SPEF2: variants seen among roughly 807,000 people sequenced by gnomAD.
SPEF2 encodes sperm flagellar and cilia associated 2.
In SPEF2, 187 loss-of-function variants were observed where a neutral mutation model predicts 224.6. That is an observed-to-expected ratio of 0.83 (90% CI 0.74 to 0.94). SPEF2 has a LOEUF of 0.94. SPEF2 is among the 40% of genes least tolerant of loss of function. SPEF2 has a pLI of 0.00. For missense variants in SPEF2, 2,170 were observed against 2,135.6 expected, an observed-to-expected ratio of 1.02 and a Z score of -0.32; for synonymous variants, 715 against 707.3, an observed-to-expected ratio of 1.01 and a Z score of -0.17.
intron 21 of SPEF2, among the ~76,000 whole-genome samples, chr5:35,738,196 C>G (rs1381419679): frequency 3.3e-5 from 5 of 152,050 alleles, no homozygotes; most frequent in Non-Finnish European, 2.9e-5. Context: ...TTCTTTTGCT[C>G]TGCCGAAGCT....
chr5:35,704,579 T>C lies in SPEF2; in HGVS notation c.2424T>C (p.Ala808=). 1 of 1,612,278 alleles carries C rather than the reference T, an allele frequency of 6.2e-7. No homozygotes were observed. Among genetic ancestry groups the C allele is most frequent in the Admixed American group, 1.7e-5 (1 of 59,760 alleles). The change falls in exon 17 of 37, where the codon GCT becomes GCC. Residue 808 remains alanine (A), a synonymous_variant. Transcript: ENST00000356031. ...IIAEELSYKT[A]HEDISQRVAA... is the part of the protein sequence containing the mutation. ...CTGAAGAATTGTCCTATAAAACTGC[T>C]CACGAAGATATCAGTCAACGTGTAG... is the stretch of plus-strand genomic sequence containing the variant.
intron 30 of SPEF2, among the ~76,000 whole-genome samples, chr5:35,783,163 A>T (rs922354539): frequency 6.6e-5 from 10 of 152,222 alleles, no homozygotes; most frequent in African/African-American, 2.4e-4. Context: ...GAATTATAAC[A>T]ATAGCCAATT....
chr5:35,703,175 A>AT (rs200487634), intron 16 of SPEF2, among the ~76,000 whole-genome samples: 93 of 151,300 alleles, frequency 6.1e-4, no homozygotes, highest in African/African-American at 1.9e-3. Context: ...AGCTCAACTG[A>AT]TTTTTTTTAG....
intron 1 of SPEF2, among the ~76,000 whole-genome samples, chr5:35,624,886 C>T (rs1025442058): frequency 1.3e-5 from 2 of 152,230 alleles, no homozygotes; most frequent in Admixed American, 1.3e-4. Context: ...CTGCCTGCCT[C>T]AGCCTCCCAA....
rs1206321030 is a variant in SPEF2, at chr5:35,709,018, T to C, written c.2736T>C (p.Pro912=). 1.2e-5 allele frequency: 19 copies of C among 1,613,762 alleles called. No homozygotes were observed. Among genetic ancestry groups the C allele is most frequent in the Admixed American group, 1.7e-5 (1 of 59,992 alleles). ...CTTCCCTGGCTGAGCTTCCACTTCC[T>C]ACACCTCCTCCTGCTCCTCCTCCTG... The part of the protein sequence containing the change: ...AAASLAELPL[P]TPPPAPPPEP... Residue 912 remains proline, a synonymous_variant, in exon 19 of 37, where the codon CCT becomes CCC. Coordinates refer to ENST00000356031, the MANE Select transcript of SPEF2 (RefSeq NM_024867.4).
At chr5:35,716,336 A>G (rs1174630957) in intron 20 of SPEF2, among the ~76,000 whole-genome samples, 2 of 152,154 alleles carry the variant, frequency 1.3e-5, no homozygotes, top group Non-Finnish European at 2.9e-5. Context: ...AATAATTTTC[A>G]TATTTTACAT....
chr5:35,697,823 T>C, intron 15 of SPEF2, 30 bp downstream of exon 15: 1 of 1,462,088 alleles, frequency 6.8e-7, no homozygotes, highest in East Asian at 2.3e-5. Context: ...TCCTCTCATC[T>C]ATTTAATATA....
Position 35,646,772 on chromosome 5 carries a change from G to T in SPEF2, c.691G>T (p.Ala231Ser). The T allele has an allele frequency of 6.2e-7, 1 of 1,613,604 alleles. No individual in the cohort carries two copies. The highest frequency in any genetic ancestry group is 8.5e-7 in the Non-Finnish European group (1 of 1,179,818). ...ASNRTLKALEAQKMMKKKKEA... is the reference protein window; with the variant it reads ...ASNRTLKALESQKMMKKKKEA... Reference sequence around the variant, plus strand: ...AAATCGTACTTTGAAAGCACTCGAGGCCCAAAAAATGATGAAAAAGAAAAA... The same window carrying T: ...AAATCGTACTTTGAAAGCACTCGAGTCCCAAAAAATGATGAAAAAGAAAAA... Residue 231 changes from alanine to serine, a missense_variant, in exon 5 of 37, where the codon GCC becomes TCC. Physicochemically the swap from Ala to Ser is moderately conservative, Grantham distance 99 (BLOSUM62 1). Transcript: ENST00000356031.
chr5:35,689,820 C>T (rs772140802), intron 10 of SPEF2, among the ~76,000 whole-genome samples: 5 of 151,974 alleles, frequency 3.3e-5, no homozygotes, highest in Admixed American at 6.6e-5. Flanking sequence ...ACAGAGGGTA[C>T]ATTTGTCTGC....
intron 25 of SPEF2, among the ~76,000 whole-genome samples, chr5:35,760,051 A>G (rs925682216): frequency 2.0e-5 from 3 of 152,066 alleles, no homozygotes; most frequent in South Asian, 2.1e-4. Context: ...TTTGGCCCCA[A>G]CGGTTTCTGG....
chr5:35,804,588 A>G (rs1002025815), intron 34 of SPEF2, among the ~76,000 whole-genome samples: 1 of 152,112 alleles, frequency 6.6e-6, no homozygotes, highest in African/African-American at 2.4e-5. Context: ...TGAGCCACTA[A>G]GCCTATTCTA....
In SPEF2 at chr5:35,793,185, A is replaced by C; in HGVS notation, c.4581A>C (p.Thr1527=). The change falls in exon 32 of 37, where the codon ACA becomes ACC. Residue 1527 remains threonine (T), a synonymous_variant. Coordinates refer to ENST00000356031, the MANE Select transcript of SPEF2 (RefSeq NM_024867.4). ...PELQELTSLL[T]VNSEFVDWRK... Reference sequence around the variant, plus strand: ...TACAGGAATTAACATCTTTATTAACAGTCAACTCCGAGTTCGTGGACTGGC... The same window carrying C: ...TACAGGAATTAACATCTTTATTAACCGTCAACTCCGAGTTCGTGGACTGGC... The C allele has an allele frequency of 6.2e-7, 1 of 1,614,110 alleles. No individual in the cohort carries two copies. Among genetic ancestry groups the C allele is most frequent in the Non-Finnish European group, 8.5e-7 (1 of 1,179,990 alleles).
intron 10 of SPEF2, among the ~76,000 whole-genome samples, chr5:35,686,258 G>T (rs148836103): frequency 6.6e-6 from 1 of 151,894 alleles, no homozygotes; most frequent in Admixed American, 6.6e-5. Flanking sequence ...AATATTTTGG[G>T]GTTTTTGAAG....
chr5:35,653,374 G>A (rs952563421), intron 6 of SPEF2, among the ~76,000 whole-genome samples: 11 of 152,172 alleles, frequency 7.2e-5, no homozygotes, highest in African/African-American at 1.4e-4. Flanking sequence ...AGTGTTCAGC[G>A]ACTGTTCTAA....
intron 30 of SPEF2, chr5:35,788,749 A>G (rs766007413): frequency 2.9e-4 from 204 of 702,954 alleles, no homozygotes; most frequent in Non-Finnish European, 1.6e-5. Context: ...AACCATGTGT[A>G]CAAACTGTAT....
At chr5:35,706,951 G>C (rs1227985856) in intron 18 of SPEF2, among the ~76,000 whole-genome samples, 1 of 152,140 alleles carries the variant, frequency 6.6e-6, no homozygotes, top group African/African-American at 2.4e-5. Flanking sequence ...TTGAAGCTAC[G>C]GGTTAGAATC....
At chr5:35,654,121 G>A (rs953096855) in intron 6 of SPEF2, among the ~76,000 whole-genome samples, 4 of 151,734 alleles carry the variant, frequency 2.6e-5, no homozygotes, top group South Asian at 2.1e-4. Context: ...TTAGCCTGGC[G>A]TGGTGGCACA....
chr5:35,692,814 G>T (rs1754724014), intron 12 of SPEF2, 90 bp downstream of exon 12: 1 of 1,279,076 alleles, frequency 7.8e-7, no homozygotes, highest in Non-Finnish European at 1.1e-6. Context: ...TAGACCAGAA[G>T]TTTCTTCTGT....
At chr5:35,790,106 C>T (rs775297487) in intron 30 of SPEF2, 16 of 702,764 alleles carry the variant, frequency 2.3e-5, no homozygotes, top group Admixed American at 6.0e-5. Flanking sequence ...TGACACTAGT[C>T]GACCTAGTGT....
Sources: gnomAD v4.1 joint callset for allele counts (sites outside exome capture counted in the v4.1 genomes callset) on GRCh38, gnomAD v4.1.1 for gene constraint, MANE v1.5 for transcripts, NCBI Gene and HGNC (gene_info 2026-07-23, HGNC 2026-07-21) for gene names.